Variants in HTT observed in about 807,000 individuals in gnomAD.
HTT encodes the protein huntingtin.
HTT carries 104 observed loss-of-function variants against 362.3 expected under a neutral mutation model. That is an observed-to-expected ratio of 0.29 (90% CI 0.24 to 0.34). The LOEUF (loss-of-function observed/expected upper bound fraction) is 0.34. HTT is among the 10% of genes least tolerant of loss of function. HTT has a pLI of 1.00. For synonymous variants in HTT, 1,577 were observed against 1,548.7 expected (o/e 1.02, Z -0.43); for missense variants, 3,301 against 3,928.6 (o/e 0.84, Z 4.27).
rs1374178415 is a variant in HTT, at chr4:3,173,124, A to C, written c.4159A>C (p.Thr1387Pro). The change falls in exon 31 of 67, where the codon ACC becomes CCC. Residue 1387 changes from threonine to proline, a missense_variant. By Grantham distance (38) the Thr-to-Pro change is conservative (BLOSUM62 -1). Around this residue, in one of 4 missense-constraint regions of HTT, gnomAD observed 2,316 missense variants for 2,658.5 expected, o/e 0.87. Transcript: ENST00000355072. ...GGTGCAGGCGGAGCAGGAGAACGAC[A>C]CCTCGGGGTAACAGTTGTGGCAAGA... ...NMVQAEQENDTSGWFDVLQKV... is the reference protein window; with the variant it reads ...NMVQAEQENDPSGWFDVLQKV... The C allele has an allele frequency of 6.2e-7, 1 of 1,613,334 alleles. No individual in the cohort carries two copies. Among genetic ancestry groups the C allele is most frequent in the African/African-American group, 1.3e-5 (1 of 75,028 alleles).
At chr4:3,115,478 C>T (rs765488389) in intron 7 of HTT, 33 bp downstream of exon 7, 1 of 1,544,868 alleles carries the variant, frequency 6.5e-7, no homozygotes, top group South Asian at 1.1e-5. Context: ...GAAGAGTCTC[C>T]AGCATGTACT....
Position 3,115,299 on chromosome 4 carries a change from C to G in HTT, c.748-5C>G, listed in dbSNP as rs753998335. ...TTTTATCTACTTGGACTTTTGCTTC[C>G]GTAGGTTTTGTTAAAGGCCTTCATA... On this transcript the variant is annotated splice_polypyrimidine_tract_variant and splice_region_variant and intron_variant, in intron 6 of 66. Coordinates refer to ENST00000355072, the MANE Select transcript of HTT (RefSeq NM_001388492.1). The G allele has an allele frequency of 6.2e-7, 1 of 1,612,700 alleles. No homozygotes were observed. The highest frequency in any genetic ancestry group is 1.3e-5 in the African/African-American group (1 of 74,954).
At chr4:3,120,950 A>C (rs1578514790) in intron 8 of HTT, among the ~76,000 whole-genome samples, 1 of 151,974 alleles carries the variant, frequency 6.6e-6, no homozygotes, top group African/African-American at 2.4e-5. Flanking sequence ...TTTCCTAGTC[A>C]CCAGTTTTGG....
intron 59 of HTT, 47 bp downstream of exon 59, chr4:3,229,056 ACCACACACG>A (rs767710016): frequency 1.9e-6 from 3 of 1,578,224 alleles, no homozygotes; most frequent in Admixed American, 1.7e-5. Context: ...TGCCACACGC[ACCACACACG>A]CCACACACCC....
Position 3,230,058 on chromosome 4 carries a change from C to T in HTT, c.8265+16C>T, listed in dbSNP as rs1409069259. 1.9e-6 allele frequency: 3 copies of T among 1,611,648 alleles called. No homozygotes were observed. Among genetic ancestry groups the T allele is most frequent in the Non-Finnish European group, 2.5e-6 (3 of 1,177,882 alleles). On this transcript the variant is annotated intron_variant, in intron 60 of 66. Coordinates refer to ENST00000355072, the MANE Select transcript of HTT (RefSeq NM_001388492.1). ...CCTTGGGATGGTAAGTGACAGGTGGCACAGAGGTTTCTGTGCTGAAGCCAC... is the reference window on the plus strand; with the variant it reads ...CCTTGGGATGGTAAGTGACAGGTGGTACAGAGGTTTCTGTGCTGAAGCCAC...
At chr4:3,199,667 C>G (rs1229569234) in intron 40 of HTT, 65 bp from the exon 41 acceptor site, 1 of 1,404,226 alleles carries the variant, frequency 7.1e-7, no homozygotes, top group Non-Finnish European at 1.0e-6. Context: ...GTAAAATCTT[C>G]GCGTAGCCAT....
At chr4:3,149,334 G>A (rs1160520817) in intron 26 of HTT, among the ~76,000 whole-genome samples, 1 of 82,444 alleles carries the variant, frequency 1.2e-5, no homozygotes, top group African/African-American at 4.9e-5. Flanking sequence ...TTTCATTCTT[G>A]TTGCCTGGGC....
At chr4:3,220,662 C>G (rs1309781687) in intron 53 of HTT, among the ~76,000 whole-genome samples, 1 of 151,992 alleles carries the variant, frequency 6.6e-6, no homozygotes, top group Non-Finnish European at 1.5e-5. Context: ...CTTGTGTTCA[C>G]CAGTCTGATC....
chr4:3,096,945 C>T (rs1450570602), intron 2 of HTT, among the ~76,000 whole-genome samples: 1 of 151,452 alleles, frequency 6.6e-6, no homozygotes, highest in Non-Finnish European at 1.5e-5. Flanking sequence ...CTAGGGAGAC[C>T]CCATATCTAC....
chr4:3,139,111 C>T (rs1716217135), intron 21 of HTT, among the ~76,000 whole-genome samples: 2 of 152,164 alleles, frequency 1.3e-5, no homozygotes, highest in African/African-American at 4.8e-5. Context: ...GTGAGACACT[C>T]CTTTCATTTA....
chr4:3,182,120 C>T (rs1002065254), intron 36 of HTT, among the ~76,000 whole-genome samples: 8 of 152,174 alleles, frequency 5.3e-5, no homozygotes, highest in African/African-American at 1.4e-4. Context: ...TCCTCCTGAG[C>T]AAAGTGTGCA....
chr4:3,187,552 G>A (rs1259636632), intron 38 of HTT, 99 bp from the exon 39 acceptor site: 18 of 808,136 alleles, frequency 2.2e-5, no homozygotes, highest in South Asian at 1.4e-4. Context: ...TGGTAGGATA[G>A]TAAAATAGGA....
In HTT at chr4:3,074,722, G is replaced by A; in HGVS notation, c.-104G>A. The A allele has an allele frequency of 2.4e-6, 3 of 1,273,004 alleles. No individual in the cohort carries two copies. Among genetic ancestry groups the A allele is most frequent in the African/African-American group, 1.6e-5 (1 of 63,894 alleles). The allele number at this position is 1,273,004 out of a possible 1,614,324, so 78.9% of individuals were successfully genotyped here. A position where few individuals can be genotyped will look rare whatever the true frequency, so the allele number is the denominator to read the frequency against. On this transcript the variant is annotated 5_prime_UTR_variant, in exon 1 of 67. Transcript: ENST00000355072. The stretch of plus-strand genomic sequence containing the variant: ...CAAGATGGACGGCCGCTCAGGTTCT[G>A]CTTTTACCTGCGGCCCAGAGCCCCA...
At chr4:3,199,271 G>A (rs563594339) in intron 40 of HTT, among the ~76,000 whole-genome samples, 31 of 152,336 alleles carry the variant, frequency 2.0e-4, no homozygotes, top group African/African-American at 6.7e-4. Flanking sequence ...GGCCAGGCAC[G>A]GCGGCTCACG....
At chr4:3,153,373 G>C (rs1286740066) in intron 26 of HTT, among the ~76,000 whole-genome samples, 1 of 152,202 alleles carries the variant, frequency 6.6e-6, no homozygotes, top group Non-Finnish European at 1.5e-5. Context: ...ATCAGGGAGT[G>C]AGTAAGTAGC....
Position 3,240,130 on chromosome 4 carries a change from C to T in HTT, c.*71C>T. 7.5e-7 allele frequency: 1 copy of T among 1,328,386 alleles called. No homozygotes were observed. 82.3% of individuals were successfully genotyped at this position (1,328,386 alleles called of 1,614,324 possible). On this transcript the variant is annotated 3_prime_UTR_variant, in exon 67 of 67. Coordinates refer to ENST00000355072, the MANE Select transcript of HTT (RefSeq NM_001388492.1). ...CTTTGGAAGTCTGCGCCCTTGTGCCCTGCCTCCACCGAGCCAGCTTGGTCC... is the reference window on the plus strand; with the variant it reads ...CTTTGGAAGTCTGCGCCCTTGTGCCTTGCCTCCACCGAGCCAGCTTGGTCC...
chr4:3,235,143 G>T (rs1225507190), intron 61 of HTT, 141 bp from the exon 62 acceptor site: 13 of 630,652 alleles, frequency 2.1e-5, no homozygotes, highest in Non-Finnish European at 2.8e-5. Context: ...GCAGGGGCCT[G>T]GGGGAGCCAC....
At chr4:3,141,553 A>G (rs1716346836) in intron 22 of HTT, among the ~76,000 whole-genome samples, 1 of 152,218 alleles carries the variant, frequency 6.6e-6, no homozygotes, top group Non-Finnish European at 1.5e-5. Flanking sequence ...GCTTGAGCTC[A>G]GGGGTTCAAG....
intron 66 of HTT, among the ~76,000 whole-genome samples, chr4:3,239,201 A>C (rs1042792888): frequency 2.0e-5 from 3 of 152,182 alleles, no homozygotes; most frequent in Non-Finnish European, 2.9e-5. Flanking sequence ...GTATGGCAGG[A>C]GGGTCGCAGC....
Sources: gnomAD v4.1 joint callset for allele counts (sites outside exome capture counted in the v4.1 genomes callset) on GRCh38, gnomAD v4.1.1 for gene constraint, gnomAD v4.1.1 regional missense constraint, MANE v1.5 for transcripts, NCBI Gene and HGNC (gene_info 2026-07-23, HGNC 2026-07-21) for gene names.